Variants in ZBTB16 observed in about 807,000 individuals in gnomAD.
ZBTB16 encodes zinc finger and BTB domain-containing protein 16.
Under a neutral mutation model 56.8 loss-of-function variants are expected in ZBTB16, and 8 were observed. The ratio of observed to expected loss-of-function variants is 0.14; its 90% CI spans 0.08 to 0.25. The LOEUF (loss-of-function observed/expected upper bound fraction) is 0.25. Ranked by LOEUF, ZBTB16 falls within the 10% of genes least tolerant of loss-of-function variation. The probability of loss-of-function intolerance (pLI) is 1.00; values close to 1 mark genes in which losing one functional copy is unlikely to be tolerated. For synonymous variants in ZBTB16, 363 were observed against 368.5 expected, an observed-to-expected ratio of 0.98 and a Z score of 0.17; for missense variants, 625 against 903.0, an observed-to-expected ratio of 0.69 and a Z score of 3.95.
At chr11:114,247,903 ATT>A (rs11417965) in intron 6 of ZBTB16, among the ~76,000 whole-genome samples, 26 of 148,348 alleles carry the variant, frequency 1.8e-4, no homozygotes, top group Non-Finnish European at 3.4e-4. Flanking sequence ...GTGCCTTCAC[ATT>A]TTTTTTTTTT....
At chr11:114,074,966 A>G (rs970154598) in intron 2 of ZBTB16, among the ~76,000 whole-genome samples, 8 of 151,996 alleles carry the variant, frequency 5.3e-5, no homozygotes, top group Non-Finnish European at 1.2e-4. Flanking sequence ...CCATGCCTGG[A>G]CGGCTGTGCA....
intron 2 of ZBTB16, among the ~76,000 whole-genome samples, chr11:114,093,988 T>A (rs1385172278): frequency 1.3e-5 from 2 of 152,222 alleles, no homozygotes; most frequent in Non-Finnish European, 2.9e-5. Context: ...CCCCTTCTGG[T>A]TAGGCTCTTC....
chr11:114,242,143 C>T (rs200982934), intron 4 of ZBTB16, 24 bp from the exon 5 acceptor site: 5 of 1,613,232 alleles, frequency 3.1e-6, no homozygotes, highest in Non-Finnish European at 4.2e-6. Context: ...CTTTCTGAGG[C>T]ACCCCCTCTC....
Position 114,148,459 on chromosome 11 carries a change from C to CTT in ZBTB16, c.1269-7877_1269-7876insTT, listed in dbSNP as rs1232994839. ...TCTTTCTCTCTCTCTGTCTGTCTGT[C>CTT]TCTCTCTCTCTCTTTCTTTCTTTCT... is the stretch of plus-strand genomic sequence containing the variant. On this transcript the variant is annotated intron_variant, in intron 2 of 6. Coordinates refer to ENST00000335953, the MANE Select transcript of ZBTB16 (RefSeq NM_006006.6). Among the ~76,000 whole-genome samples the CTT allele has an allele frequency of 4.6e-3, 407 of 87,662 alleles. 58 individuals carry two copies. The highest frequency in any genetic ancestry group is 0.024 in the Middle Eastern group (4 of 168). 57.5% of individuals were successfully genotyped at this position (87,662 alleles called of 152,430 possible). A position where few individuals can be genotyped will look rare whatever the true frequency, so the allele number is the denominator to read the frequency against.
chr11:114,083,622 G>A (rs1161017815), intron 2 of ZBTB16, among the ~76,000 whole-genome samples: 2 of 152,130 alleles, frequency 1.3e-5, no homozygotes, highest in Non-Finnish European at 2.9e-5. Context: ...CTGACATCTG[G>A]GGTTGCCCTG....
In ZBTB16 at chr11:114,063,966, A is replaced by G. The variant is rs1399613255; in HGVS notation, c.666A>G (p.Ala222=). 1 of 1,613,718 alleles carries G rather than the reference A, an allele frequency of 6.2e-7. No homozygotes were observed. The highest frequency in any genetic ancestry group is 8.5e-7 in the Non-Finnish European group (1 of 1,179,982). Residue 222 remains alanine, a synonymous_variant, in exon 2 of 7, where the codon GCA becomes GCG. Coordinates refer to ENST00000335953, the MANE Select transcript of ZBTB16 (RefSeq NM_006006.6). The surrounding 1 kb of genome is among the most constrained non-coding windows in gnomAD (Gnocchi z 6.5). ...SLLQGTLQPP[A]GPEEPTLAGG... ...TGCAGGGAACTCTTCAGCCACCTGC[A>G]GGGCCCGAGGAGCCAACTCTGGCTG...
At chr11:114,111,652 C>G (rs1941009017) in intron 2 of ZBTB16, among the ~76,000 whole-genome samples, 1 of 152,210 alleles carries the variant, frequency 6.6e-6, no homozygotes, top group South Asian at 2.1e-4. Flanking sequence ...ACCACCATGT[C>G]CTATGAAGGG....
At chr11:114,168,424 G>T (rs1054876831) in intron 3 of ZBTB16, among the ~76,000 whole-genome samples, 5 of 152,216 alleles carry the variant, frequency 3.3e-5, no homozygotes, top group Admixed American at 2.6e-4. Flanking sequence ...TGGTTTGGCT[G>T]CAGGAAGGAG....
intron 2 of ZBTB16, among the ~76,000 whole-genome samples, chr11:114,077,608 G>A (rs1185099026): frequency 3.9e-5 from 6 of 152,088 alleles, no homozygotes; most frequent in Admixed American, 1.3e-4. Flanking sequence ...AAAATGAAAC[G>A]GCTGTTGCGC....
At chr11:114,062,945 A>G (rs1057030888) in intron 1 of ZBTB16, among the ~76,000 whole-genome samples, 4 of 152,176 alleles carry the variant, frequency 2.6e-5, no homozygotes, top group Non-Finnish European at 5.9e-5. Context: ...ATTTCACTTC[A>G]TCTAACAGAT....
chr11:114,126,783 G>T (rs1941520656), intron 2 of ZBTB16, among the ~76,000 whole-genome samples: 1 of 152,146 alleles, frequency 6.6e-6, no homozygotes, highest in Non-Finnish European at 1.5e-5. Context: ...TGGGAGAGAA[G>T]CCACTCATGG....
intron 2 of ZBTB16, among the ~76,000 whole-genome samples, chr11:114,144,201 CA>C (rs1942039134): frequency 6.6e-6 from 1 of 151,944 alleles, no homozygotes; most frequent in African/African-American, 2.4e-5. Flanking sequence ...CACACACACA[CA>C]CACACACACA....
chr11:114,082,267 G>C (rs1471746837), intron 2 of ZBTB16, among the ~76,000 whole-genome samples: 1 of 152,046 alleles, frequency 6.6e-6, no homozygotes, highest in Non-Finnish European at 1.5e-5. Context: ...GCAACAAAGT[G>C]AGACCCTATC....
chr11:114,130,819 G>C (rs1941640517), intron 2 of ZBTB16, among the ~76,000 whole-genome samples: 1 of 152,246 alleles, frequency 6.6e-6, no homozygotes, highest in Non-Finnish European at 1.5e-5. Context: ...GTATGCGCAT[G>C]TAAAGAAAAT....
intron 2 of ZBTB16, among the ~76,000 whole-genome samples, chr11:114,105,381 C>G (rs562332279): frequency 6.6e-6 from 1 of 152,214 alleles, no homozygotes; most frequent in South Asian, 2.1e-4. Flanking sequence ...GCTGGGACTA[C>G]AGGCATTGCC....
At chr11:114,131,275 C>T (rs1941651974) in intron 2 of ZBTB16, among the ~76,000 whole-genome samples, 1 of 152,180 alleles carries the variant, frequency 6.6e-6, no homozygotes, top group Admixed American at 6.5e-5. Flanking sequence ...AGGACAGTCT[C>T]CTTCTCCTGC....
intron 3 of ZBTB16, among the ~76,000 whole-genome samples, chr11:114,160,670 G>T (rs905100673): frequency 4.2e-4 from 64 of 152,174 alleles, no homozygotes; most frequent in African/African-American, 1.5e-3. Flanking sequence ...GAGCCTAAAT[G>T]GTAGTAGTGA....
At chr11:114,220,531 C>T (rs745967612) in intron 4 of ZBTB16, among the ~76,000 whole-genome samples, 7 of 152,144 alleles carry the variant, frequency 4.6e-5, no homozygotes, top group African/African-American at 9.7e-5. Flanking sequence ...CCCTGAAAGC[C>T]GTGGAAGTAC....
chr11:114,245,100 G>A (rs1264966562), intron 5 of ZBTB16, among the ~76,000 whole-genome samples: 1 of 152,198 alleles, frequency 6.6e-6, no homozygotes, highest in Admixed American at 6.5e-5. Context: ...CACACAGACT[G>A]GCCCTTACTG....
Sources: allele counts gnomAD v4.1 joint callset (sites outside exome capture counted in the v4.1 genomes callset), GRCh38; gene constraint gnomAD v4.1.1; non-coding constraint Gnocchi (gnomAD v3.1); transcripts MANE v1.5; gene names NCBI Gene and HGNC (gene_info 2026-07-23, HGNC 2026-07-21).